MID1: variants seen among roughly 807,000 people sequenced by gnomAD.
MID1 encodes the protein E3 ubiquitin-protein ligase Midline-1.
In MID1, 7 loss-of-function variants were observed where a neutral mutation model predicts 40.4. The observed-to-expected ratio is 0.17, with a 90% CI of 0.10 to 0.33. The LOEUF is 0.33. Among genes scored for constraint, MID1 ranks in the 10% least tolerant of loss-of-function variants. The pLI is 1.00. For synonymous variants in MID1, 229 were observed against 221.2 expected (o/e 1.04, Z -0.31); for missense variants, 367 against 558.5 (o/e 0.66, Z 3.46).
intron 1 of MID1, among the ~76,000 whole-genome samples, chrX:10,691,483 T>C (rs866749953): frequency 2.7e-5 from 3 of 112,320 alleles, no homozygotes; most frequent in Middle Eastern, 4.7e-3. Context: ...ATTACTGCAA[T>C]CTCTGAACAT....
intron 3 of MID1, among the ~76,000 whole-genome samples, chrX:10,504,347 T>C (rs1051110610): frequency 2.7e-5 from 3 of 111,350 alleles, no homozygotes; most frequent in African/African-American, 9.8e-5. Flanking sequence ...CCCACTAGTG[T>C]CAAGATTGAG....
chrX:10,615,518 C>G (rs1935824566), intron 1 of MID1, among the ~76,000 whole-genome samples: 1 of 111,943 alleles, frequency 8.9e-6, no homozygotes, highest in African/African-American at 3.2e-5. Context: ...TTACTCAGAA[C>G]CTCTCTTTCA....
chrX:10,525,696 G>C (rs1932817016), intron 2 of MID1, among the ~76,000 whole-genome samples: 1 of 112,472 alleles, frequency 8.9e-6, no homozygotes, highest in Non-Finnish European at 1.9e-5. Flanking sequence ...GTGTGCAACA[G>C]AGGCACAGAT....
At chrX:10,819,941 T>C (rs1051588082) in intron 1 of MID1, among the ~76,000 whole-genome samples, 6 of 112,025 alleles carry the variant, frequency 5.4e-5, no homozygotes, top group African/African-American at 1.6e-4. Flanking sequence ...TTCTATTCAT[T>C]ATACCATATG....
intron 1 of MID1, among the ~76,000 whole-genome samples, chrX:10,689,988 A>G (rs918107213): frequency 6.5e-5 from 7 of 108,462 alleles, no homozygotes; most frequent in Non-Finnish European, 5.7e-5. Flanking sequence ...GTGTCCAGAA[A>G]ACAGGAAATT....
intron 2 of MID1, among the ~76,000 whole-genome samples, chrX:10,566,541 CT>C (rs1396868017): frequency 2.9e-5 from 3 of 103,903 alleles, no homozygotes; most frequent in African/African-American, 7.5e-5. Context: ...CCCTCTCTCT[CT>C]CTCTCTCTCT....
chrX:10,809,154 G>T (rs1318623832), intron 1 of MID1, among the ~76,000 whole-genome samples: 5 of 112,127 alleles, frequency 4.5e-5, no homozygotes, highest in Admixed American at 9.4e-5. Flanking sequence ...AGACATTTAT[G>T]CAGCCAAAAG....
intron 4 of MID1, among the ~76,000 whole-genome samples, chrX:10,489,229 A>C (rs966313243): frequency 2.7e-5 from 3 of 111,932 alleles, no homozygotes; most frequent in African/African-American, 9.7e-5. Flanking sequence ...AGAGGTTTTT[A>C]ATTTTGATGA....
At chrX:10,590,872 T>A (rs1041445873) in intron 1 of MID1, among the ~76,000 whole-genome samples, 2 of 111,446 alleles carry the variant, frequency 1.8e-5, no homozygotes, top group African/African-American at 6.5e-5. Flanking sequence ...GACTTAAGAG[T>A]TTTTTGTTGT....
chrX:10,715,268 C>T (rs868760183), intron 1 of MID1, among the ~76,000 whole-genome samples: 1 of 112,345 alleles, frequency 8.9e-6, no homozygotes. Context: ...CCGGGAAGCG[C>T]AAGGGGTTGG....
intron 1 of MID1, among the ~76,000 whole-genome samples, chrX:10,800,272 C>T (rs1213060213): frequency 8.9e-6 from 1 of 112,001 alleles, no homozygotes; most frequent in African/African-American, 3.3e-5. Context: ...CTCTGGGCAA[C>T]AGTCAGTGAG....
At chrX:10,572,653 A>C (rs1026133969) in intron 1 of MID1, among the ~76,000 whole-genome samples, 4 of 111,865 alleles carry the variant, frequency 3.6e-5, no homozygotes, top group Non-Finnish European at 7.5e-5. Flanking sequence ...AAAAAAAAAA[A>C]AAAACTTCTT....
At chrX:10,516,339 C>T (rs894152327) in intron 3 of MID1, among the ~76,000 whole-genome samples, 38 of 109,027 alleles carry the variant, frequency 3.5e-4, no homozygotes, top group Non-Finnish European at 6.5e-4. Context: ...GGACTACAGG[C>T]GCCCGCCACC....
At chrX:10,701,746 A>G (rs2043195321) in intron 1 of MID1, among the ~76,000 whole-genome samples, 5 of 112,219 alleles carry the variant, frequency 4.5e-5, no homozygotes, top group Admixed American at 2.8e-4. Context: ...CTGGATCAAA[A>G]CCTGTCAAGT....
chrX:10,722,055 G>A lies in MID1; in HGVS notation c.-186-101636C>T, dbSNP rs12014866. Among the ~76,000 whole-genome samples, 339 of 110,933 alleles carry A rather than the reference G, an allele frequency of 3.1e-3. 2 individuals are homozygous for A. Among genetic ancestry groups the A allele is most frequent in the African/African-American group, 0.011 (325 of 30,556 alleles). On this transcript the variant is annotated intron_variant, in intron 1 of 10. Coordinates refer to the MID1 transcript ENST00000380785. ...ATATCTCTGAATGAATGTGTGATTAGAAAAAGCATTTTTATGTTATCCTAT... is the reference window on the plus strand; with the variant it reads ...ATATCTCTGAATGAATGTGTGATTAAAAAAAGCATTTTTATGTTATCCTAT...
chrX:10,704,714 GTGTA>G lies in MID1; in HGVS notation c.-186-84299_-186-84296del, dbSNP rs1343142709. 8.7e-4 allele frequency among the ~76,000 whole-genome samples: 60 copies of G among 68,957 alleles called. 1 individual carries two copies. Among genetic ancestry groups the G allele is most frequent in the African/African-American group, 2.8e-3 (51 of 18,071 alleles). The allele number at this position is 68,957 out of a possible 115,157, so 59.9% of individuals were successfully genotyped here. A position where few individuals can be genotyped will look rare whatever the true frequency, so the allele number is the denominator to read the frequency against. ...TGTGTATATATATGCATGTGTGTGTGTGTATATATATATATATATATATATACAC... is the reference window on the plus strand; with the variant it reads ...TGTGTATATATATGCATGTGTGTGTGTATATATATATATATATATATACAC... On this transcript the variant is annotated intron_variant, in intron 1 of 10. Transcript: ENST00000380785.
intron 1 of MID1, among the ~76,000 whole-genome samples, chrX:10,740,917 G>A (rs1365253611): frequency 2.7e-5 from 3 of 109,852 alleles, no homozygotes; most frequent in African/African-American, 6.8e-5. Flanking sequence ...TTATCTTAAA[G>A]TCTAGCCAAA....
intron 1 of MID1, among the ~76,000 whole-genome samples, chrX:10,720,563 G>A (rs1245583424): frequency 8.9e-6 from 1 of 111,741 alleles, no homozygotes; most frequent in Non-Finnish European, 1.9e-5. Context: ...TGCTGGAGAG[G>A]ATGTGGAGAA....
At chrX:10,492,727 C>T in intron 4 of MID1, among the ~76,000 whole-genome samples, 1 of 112,414 alleles carries the variant, frequency 8.9e-6, no homozygotes, top group Non-Finnish European at 1.9e-5. Context: ...CAGACCAAAT[C>T]CCAGTAGCCT....
Sources: gnomAD v4.1 joint callset for allele counts (sites outside exome capture counted in the v4.1 genomes callset) on GRCh38, gnomAD v4.1.1 for gene constraint, MANE v1.5 for transcripts, NCBI Gene and HGNC (gene_info 2026-07-23, HGNC 2026-07-21) for gene names.